JADE3: variants seen among roughly 807,000 people sequenced by gnomAD.
JADE3 encodes the protein protein Jade-3.
In JADE3, 2 loss-of-function variants were observed where a neutral mutation model predicts 50.1. The ratio of observed to expected loss-of-function variants is 0.04; its 90% CI spans 0.02 to 0.13. The LOEUF is 0.13. Ranked by LOEUF, JADE3 falls within the 10% of genes least tolerant of loss-of-function variation. The pLI is 1.00. For synonymous variants in JADE3, 218 were observed against 232.9 expected, an observed-to-expected ratio of 0.94 and a Z score of 0.58; for missense variants, 475 against 634.4, an observed-to-expected ratio of 0.75 and a Z score of 2.70.
chrX:46,987,970 T>C (rs1244437870), intron 3 of JADE3, among the ~76,000 whole-genome samples: 1 of 112,620 alleles, frequency 8.9e-6, no homozygotes, highest in African/African-American at 3.2e-5. Flanking sequence ...TCCCATGTTC[T>C]GCTTTGCTGG....
rs1556357904 is a variant in JADE3, at chrX:46,998,122, A to G, written c.129A>G (p.Val43=). 8.4e-7 allele frequency: 1 copy of G among 1,195,984 alleles called. No individual in the cohort carries two copies. Among genetic ancestry groups the G allele is most frequent in the Non-Finnish European group, 1.1e-6 (1 of 883,790 alleles). Residue 43 remains valine (V), a splice_region_variant and synonymous_variant, in exon 4 of 11, where the codon GTA becomes GTG. Coordinates refer to ENST00000614628, the MANE Select transcript of JADE3 (RefSeq NM_014735.5). The stretch of plus-strand genomic sequence containing the variant: ...AGATATGTGCAATATCTTTCCAGGT[A>G]TTCCGGAAGGACCTCATCAGTGCCA... ...IPNEHKKPAE[V]FRKDLISAMK...
intron 1 of JADE3, among the ~76,000 whole-genome samples, chrX:46,923,699 G>A (rs781959010): frequency 9.1e-6 from 1 of 110,428 alleles, no homozygotes; most frequent in East Asian, 2.9e-4. Flanking sequence ...ACAGGCATGA[G>A]CCACTGTGCT....
chrX:47,039,416 T>G (rs2146983313), intron 8 of JADE3, among the ~76,000 whole-genome samples: 1 of 110,536 alleles, frequency 9.0e-6, no homozygotes, highest in African/African-American at 3.3e-5. Context: ...ATTTCAACTT[T>G]TATTTTCAAT....
chrX:47,031,076 G>A (rs1929008567), intron 6 of JADE3, among the ~76,000 whole-genome samples: 2 of 110,549 alleles, frequency 1.8e-5, no homozygotes, highest in African/African-American at 6.6e-5. Context: ...GAAAGTTAGG[G>A]CCATTCTAAA....
chrX:46,969,842 T>A (rs1172788637), intron 1 of JADE3, among the ~76,000 whole-genome samples: 10 of 111,525 alleles, frequency 9.0e-5, no homozygotes, highest in Admixed American at 4.7e-4. Context: ...AAAGAAAAAC[T>A]TGTGGGGCGT....
rs1251851266 is a variant in JADE3, at chrX:46,992,365, TG to T, written c.127-5752del. The stretch of plus-strand genomic sequence containing the variant: ...CCTGAAGAAAAAGCTTGCAAGCGGG[TG>T]GGACCCCCCCCCCCATAACTACAGC... On this transcript the variant is annotated intron_variant, in intron 3 of 10. Transcript: ENST00000614628. Among the ~76,000 whole-genome samples, 30 of 31,510 alleles carry T rather than the reference TG, an allele frequency of 9.5e-4. 1 individual carries two copies. The highest frequency in any genetic ancestry group is 3.5e-3 in the African/African-American group (28 of 7,948). 27.4% of individuals were successfully genotyped at this position (31,510 alleles called of 115,157 possible). A position where few individuals can be genotyped will look rare whatever the true frequency, so the allele number is the denominator to read the frequency against.
intron 1 of JADE3, among the ~76,000 whole-genome samples, chrX:46,921,088 T>C (rs1926211272): frequency 9.0e-6 from 1 of 111,398 alleles, no homozygotes; most frequent in African/African-American, 3.3e-5. Flanking sequence ...CTTTTTTTGC[T>C]TTTTAAGAGA....
intron 1 of JADE3, among the ~76,000 whole-genome samples, chrX:46,948,126 A>T (rs1926923851): frequency 8.9e-6 from 1 of 112,099 alleles, no homozygotes; most frequent in African/African-American, 3.2e-5. Context: ...AGTTTTTAAG[A>T]TTAAGATCAC....
chrX:47,020,793 G>A (rs782021039), intron 4 of JADE3, among the ~76,000 whole-genome samples: 1 of 112,048 alleles, frequency 8.9e-6, no homozygotes, highest in South Asian at 3.7e-4. Flanking sequence ...CAAATTAAAT[G>A]CACTCATTTA....
Position 46,962,839 on chromosome X carries a change from T to C in JADE3, c.-11-22045T>C, listed in dbSNP as rs1357169125. Among the ~76,000 whole-genome samples the C allele has an allele frequency of 2.0e-3, 8 of 3,906 alleles. No homozygotes were observed. The Non-Finnish European group carries it at 0.091, about 44-fold the overall frequency. 3.4% of individuals were successfully genotyped at this position (3,906 alleles called of 115,157 possible). On this transcript the variant is annotated intron_variant, in intron 1 of 10. Coordinates refer to ENST00000614628, the MANE Select transcript of JADE3 (RefSeq NM_014735.5). ...TATGGTTCAACCTAATATAAACTAA[T>C]TTTTTTTTTTTTTTTTGGAGAAAGA...
chrX:46,913,672 T>G (rs1247548223), intron 1 of JADE3, among the ~76,000 whole-genome samples: 1 of 110,727 alleles, frequency 9.0e-6, no homozygotes, highest in Non-Finnish European at 1.9e-5. Context: ...TAGCTTTAAA[T>G]TGCACAGGGC....
chrX:46,979,550 T>G (rs1466826813), intron 1 of JADE3, among the ~76,000 whole-genome samples: 4 of 112,021 alleles, frequency 3.6e-5, no homozygotes, highest in African/African-American at 9.7e-5. Flanking sequence ...GAACATAAAC[T>G]TTCATTTCTC....
chrX:47,002,948 T>C lies in JADE3; in HGVS notation c.284+4671T>C, dbSNP rs1460967593. 2.7e-5 allele frequency among the ~76,000 whole-genome samples: 3 copies of C among 111,523 alleles called. No homozygotes were observed. The East Asian group carries it at 8.3e-4, about 31-fold the overall frequency. The stretch of plus-strand genomic sequence containing the variant: ...TTAACTATAGGGTTTTTCATAGATA[T>C]TCTTTGTCAAGTTGAGGAAGTTCAC... On this transcript the variant is annotated intron_variant, in intron 4 of 10. Coordinates refer to ENST00000614628, the MANE Select transcript of JADE3 (RefSeq NM_014735.5).
chrX:46,984,767 A>G (rs1927826861), intron 1 of JADE3, 117 bp from the exon 2 acceptor site: 1 of 512,019 alleles, frequency 2.0e-6, no homozygotes, highest in African/African-American at 2.3e-5. Context: ...CTTGACAAAA[A>G]TCATTCAGTT....
At chrX:46,956,470 C>G (rs1372717813) in intron 1 of JADE3, among the ~76,000 whole-genome samples, 3 of 112,862 alleles carry the variant, frequency 2.7e-5, no homozygotes, top group African/African-American at 9.7e-5. Flanking sequence ...TACTCATATT[C>G]TCTACCAGCC....
intron 1 of JADE3, among the ~76,000 whole-genome samples, chrX:46,974,515 C>G (rs1174030925): frequency 8.9e-6 from 1 of 112,046 alleles, no homozygotes; most frequent in East Asian, 2.8e-4. Context: ...AAATGTCTGT[C>G]TCTGATAATG....
intron 1 of JADE3, among the ~76,000 whole-genome samples, chrX:46,946,138 G>A (rs1481789146): frequency 3.6e-5 from 4 of 111,965 alleles, no homozygotes; most frequent in African/African-American, 1.3e-4. Context: ...ATAGGTAGTA[G>A]CCAGTTATAA....
In JADE3 at chrX:46,984,856, T is replaced by C. The variant is rs147132385; in HGVS notation, c.-11-28T>C. On this transcript the variant is annotated intron_variant, in intron 1 of 10. Transcript: ENST00000614628. ...CTCTGGGATGGGTGTGTGTGAACTG[T>C]TTTATTCAGTGTTTTTCTTTTTCCC... 7 of 1,167,949 alleles carry C rather than the reference T, an allele frequency of 6.0e-6. No individual in the cohort carries two copies. In the East Asian group the frequency reaches 1.8e-4, roughly 30 times the overall value.
In JADE3 at chrX:46,965,413, C is replaced by A. The variant is rs782048307; in HGVS notation, c.-11-19471C>A. 3.4e-4 allele frequency among the ~76,000 whole-genome samples: 38 copies of A among 111,311 alleles called. No homozygotes were observed. The Admixed American group carries it at 3.4e-3, about 10-fold the overall frequency. On this transcript the variant is annotated intron_variant, in intron 1 of 10. Transcript: ENST00000614628. ...GATAAAGGAAGAATAACATCCATTA[C>A]AAAATTTTTAAAGTCCAGTCCATAC...
Sources: gnomAD v4.1 joint callset for allele counts (sites outside exome capture counted in the v4.1 genomes callset) on GRCh38, gnomAD v4.1.1 for gene constraint, MANE v1.5 for transcripts, NCBI Gene and HGNC (gene_info 2026-07-23, HGNC 2026-07-21) for gene names.